Variants in MMP17 observed in about 807,000 individuals in gnomAD.
MMP17 encodes the protein matrix metalloproteinase-17.
Under a neutral mutation model 49.1 loss-of-function variants are expected in MMP17, and 54 were observed. That is an observed-to-expected ratio of 1.10 (90% CI 0.88 to 1.38). The LOEUF is 1.38. Ranked by LOEUF, MMP17 falls within the 40% of genes most tolerant of loss-of-function variation. The pLI is 0.00. For synonymous variants in MMP17, 397 were observed against 383.1 expected, an observed-to-expected ratio of 1.04 and a Z score of -0.42; for missense variants, 837 against 853.7, an observed-to-expected ratio of 0.98 and a Z score of 0.24.
chr12:131,838,725 A>G lies in MMP17; in HGVS notation c.406A>G (p.Arg136Gly), dbSNP rs532234880. 3 of 1,586,810 alleles carry G rather than the reference A, an allele frequency of 1.9e-6. No individual in the cohort carries two copies. In the South Asian group the frequency reaches 3.4e-5, roughly 18 times the overall value. Residue 136 changes from arginine to glycine, a missense_variant, in exon 3 of 10, where the codon AGG becomes GGG. By Grantham distance (125) the Arg-to-Gly change is moderately radical. Transcript: ENST00000360564. ...QAPAPTKWNK[R>G]NLSWRVRTFP... ...TCCAGCCCCCACCAAGTGGAACAAG[A>G]GGAACCTGTCGTGGAGGTGGGTGTG...
chr12:131,844,052 G>C lies in MMP17; in HGVS notation c.939G>C (p.Pro313=). Reference sequence around the variant, plus strand: ...AGCCCGAGGAGCCTCCCCTGCTGCCGGAGCCCCCAGACAACCGGTCCAGCG... The same window carrying C: ...AGCCCGAGGAGCCTCCCCTGCTGCCCGAGCCCCCAGACAACCGGTCCAGCG... ...TAQPEEPPLL[P]EPPDNRSSAP... The change falls in exon 6 of 10, where the codon CCG becomes CCC. Residue 313 remains proline, a synonymous_variant. Transcript: ENST00000360564. 1.3e-6 allele frequency: 2 copies of C among 1,568,246 alleles called. No homozygotes were observed. The highest frequency in any genetic ancestry group is 1.7e-6 in the Non-Finnish European group (2 of 1,159,192).
At chr12:131,842,714 A>G in intron 5 of MMP17, among the ~76,000 whole-genome samples, 1 of 151,780 alleles carries the variant, frequency 6.6e-6, no homozygotes, top group East Asian at 2.0e-4. Context: ...CAGAGGTTGC[A>G]GTGAGCTGAG....
chr12:131,840,683 T>C lies in MMP17; in HGVS notation c.533T>C (p.Val178Ala), dbSNP rs774490839. ...ATTGCGCCCCTGAACTTCCACGAGG[T>C]GGCGGGCAGCGCCGCCGACATCCAG... ...SDIAPLNFHEVAGSAADIQID... is the reference protein window; with the variant it reads ...SDIAPLNFHEAAGSAADIQID... Residue 178 changes from valine to alanine, a missense_variant, in exon 4 of 10, where the codon GTG becomes GCG. Val to Ala is a moderately conservative substitution (Grantham distance 64, BLOSUM62 0). Transcript: ENST00000360564. 15 of 1,607,630 alleles carry C rather than the reference T, an allele frequency of 9.3e-6. No homozygotes were observed. In the South Asian group the frequency reaches 1.6e-4, roughly 18 times the overall value.
In MMP17 at chr12:131,849,929, T is replaced by C. The variant is rs1887888376; in HGVS notation, c.1332T>C (p.Tyr444=). The change falls in exon 9 of 10, where the codon TAT becomes TAC. Residue 444 remains tyrosine (Y), a synonymous_variant. Transcript: ENST00000360564. The part of the protein sequence containing the change: ...AFSWAHNDRT[Y]FFKDQLYWRY... ...CCTGGGCCCACAATGACAGGACTTA[T>C]TTCTTTAAGGACCAGCTGTACTGGC... 6 of 1,613,938 alleles carry C rather than the reference T, an allele frequency of 3.7e-6. 1 individual carries two copies. The African/African-American group carries it at 6.7e-5, about 18-fold the overall frequency.
At chr12:131,843,959 C>CG in intron 5 of MMP17, 38 bp from the exon 6 acceptor site, 15 of 1,404,828 alleles carry the variant, frequency 1.1e-5, no homozygotes, top group Non-Finnish European at 1.4e-5. Context: ...AGGCGGGCGT[C>CG]GGGGGTTTGA....
chr12:131,841,320 G>A (rs762687929), intron 4 of MMP17, among the ~76,000 whole-genome samples: 23 of 152,320 alleles, frequency 1.5e-4, no homozygotes, highest in East Asian at 5.8e-4. Context: ...TCATCCGACC[G>A]ACACCTGGCC....
intron 1 of MMP17, among the ~76,000 whole-genome samples, chr12:131,837,808 TCC>T (rs1251560709): frequency 1.6e-4 from 24 of 152,334 alleles, no homozygotes; most frequent in African/African-American, 5.3e-4. Context: ...CCTCCTGGGT[TCC>T]CACCACTCTC....
intron 9 of MMP17, 105 bp from the exon 10 acceptor site, chr12:131,850,820 T>G (rs1887934066): frequency 1.2e-6 from 1 of 844,306 alleles, no homozygotes; most frequent in Non-Finnish European, 1.7e-6. Context: ...CTCGAGCCCC[T>G]TCCGCTGCAG....
At chr12:131,835,739 T>C (rs146561777) in intron 1 of MMP17, among the ~76,000 whole-genome samples, 1 of 152,188 alleles carries the variant, frequency 6.6e-6, no homozygotes, top group East Asian at 1.9e-4. Flanking sequence ...TCCAATATCA[T>C]AGATGATGTG....
chr12:131,849,940 A>G lies in MMP17; in HGVS notation c.1343A>G (p.Asp448Gly). ...AATGACAGGACTTATTTCTTTAAGG[A>G]CCAGCTGTACTGGCGCTACGATGAC... Reference protein sequence around the residue: ...AHNDRTYFFKDQLYWRYDDHT... With the variant: ...AHNDRTYFFKGQLYWRYDDHT... The change falls in exon 9 of 10, where the codon GAC becomes GGC. Residue 448 changes from aspartate to glycine, a missense_variant. Coordinates refer to ENST00000360564, the MANE Select transcript of MMP17 (RefSeq NM_016155.7). The G allele has an allele frequency of 1.2e-6, 2 of 1,613,986 alleles. No homozygotes were observed. The highest frequency in any genetic ancestry group is 1.7e-6 in the Non-Finnish European group (2 of 1,180,000).
Position 131,828,403 on chromosome 12 carries a change from G to C in MMP17, c.-92G>C, listed in dbSNP as rs1479711833. ...TGCCGCGCGGGGCTCAGTCCGGCGGGGGCGCCGCGGAGAGCGGAGGGCGCC... is the reference window on the plus strand; with the variant it reads ...TGCCGCGCGGGGCTCAGTCCGGCGGCGGCGCCGCGGAGAGCGGAGGGCGCC... On this transcript the variant is annotated 5_prime_UTR_variant, in exon 1 of 10. Transcript: ENST00000360564. 11 of 754,018 alleles carry C rather than the reference G, an allele frequency of 1.5e-5. No homozygotes were observed. The highest frequency in any genetic ancestry group is 3.8e-5 in the African/African-American group (2 of 52,572). 46.7% of individuals were successfully genotyped at this position (754,018 alleles called of 1,614,324 possible).
At chr12:131,838,505 G>T (rs1365663652) in intron 2 of MMP17, 107 bp from the exon 3 acceptor site, 3 of 1,474,762 alleles carry the variant, frequency 2.0e-6, no homozygotes, top group African/African-American at 2.8e-5. Flanking sequence ...GGAGGGGGCG[G>T]CTCGGAGGCT....
intron 1 of MMP17, among the ~76,000 whole-genome samples, chr12:131,837,210 G>A (rs984332082): frequency 6.6e-6 from 1 of 152,206 alleles, no homozygotes; most frequent in Non-Finnish European, 1.5e-5. Flanking sequence ...TGAGGAAGGA[G>A]CCCAGAGGGG....
At chr12:131,835,171 C>T (rs1190081811) in intron 1 of MMP17, among the ~76,000 whole-genome samples, 1 of 152,220 alleles carries the variant, frequency 6.6e-6, no homozygotes, top group Non-Finnish European at 1.5e-5. Context: ...AGCACAAACT[C>T]GTGTTAGGTA....
Position 131,845,281 on chromosome 12 carries a change from C to G in MMP17, c.1052-16C>G. The G allele has an allele frequency of 6.2e-7, 1 of 1,611,372 alleles. No individual in the cohort carries two copies. Among genetic ancestry groups the G allele is most frequent in the Non-Finnish European group, 8.5e-7 (1 of 1,178,044 alleles). ...AGACCGTCTCTGCAGCCCGGCCCTC[C>G]CCTCTGTGCCCCCAGGCAAGTACTT... is the stretch of plus-strand genomic sequence containing the variant. On this transcript the variant is annotated splice_polypyrimidine_tract_variant and intron_variant, in intron 7 of 9. Coordinates refer to ENST00000360564, the MANE Select transcript of MMP17 (RefSeq NM_016155.7).
Position 131,840,634 on chromosome 12 carries a change from T to G in MMP17, c.484T>G (p.Tyr162Asp). ...GHDTVRALMY[Y>D]ALKVWSDIAP... Reference sequence around the variant, plus strand: ...CGACACGGTGCGTGCACTCATGTACTACGCCCTCAAGGTCTGGAGCGACAT... The same window carrying G: ...CGACACGGTGCGTGCACTCATGTACGACGCCCTCAAGGTCTGGAGCGACAT... Residue 162 changes from tyrosine to aspartate, a missense_variant, in exon 4 of 10, where the codon TAC (tyrosine) becomes GAC (aspartate). Tyr to Asp is a radical substitution (Grantham distance 160). Coordinates refer to ENST00000360564, the MANE Select transcript of MMP17 (RefSeq NM_016155.7). 1 of 1,609,396 alleles carries G rather than the reference T, an allele frequency of 6.2e-7. No individual in the cohort carries two copies. Among genetic ancestry groups the G allele is most frequent in the Non-Finnish European group, 8.5e-7 (1 of 1,179,924 alleles).
intron 1 of MMP17, among the ~76,000 whole-genome samples, chr12:131,836,960 C>A (rs1285608397): frequency 6.6e-6 from 1 of 151,270 alleles, no homozygotes; most frequent in Non-Finnish European, 1.5e-5. Flanking sequence ...GGCATCCAGG[C>A]CCCCCTGTCC....
chr12:131,843,330 A>G lies in MMP17; in HGVS notation c.884-667A>G, dbSNP rs1887522102. ...TCACTATGTGGCCCAGGCTTGTCTC[A>G]AAACTCCTGGGCTCAAGTGATCCTC... On this transcript the variant is annotated intron_variant, in intron 5 of 9. Transcript: ENST00000360564. Among the ~76,000 whole-genome samples the G allele has an allele frequency of 2.7e-5, 4 of 146,098 alleles. No homozygotes were observed. In the Admixed American group the frequency reaches 2.8e-4, roughly 10 times the overall value.
chr12:131,838,585 G>T (rs1203140554), intron 2 of MMP17, 27 bp from the exon 3 acceptor site: 2 of 1,602,582 alleles, frequency 1.2e-6, no homozygotes, highest in South Asian at 2.2e-5. Context: ...GCTGGGCTAG[G>T]CTCTGAGCTC....
Sources: allele counts gnomAD v4.1 joint callset (sites outside exome capture counted in the v4.1 genomes callset), GRCh38; gene constraint gnomAD v4.1.1; transcripts MANE v1.5; gene names NCBI Gene and HGNC (gene_info 2026-07-23, HGNC 2026-07-21).